Variants in RALY observed in about 807,000 individuals in gnomAD.
RALY encodes the protein RNA-binding protein Raly.
In RALY, 15 loss-of-function variants were observed where a neutral mutation model predicts 30.7. The observed-to-expected ratio is 0.49, with a 90% CI of 0.33 to 0.75. The LOEUF (loss-of-function observed/expected upper bound fraction) is 0.75, where lower values mean the gene tolerates loss of function less well. Among genes scored for constraint, RALY ranks in the 30% least tolerant of loss-of-function variants. The pLI is 0.02. For missense variants in RALY, 339 were observed against 414.3 expected, an observed-to-expected ratio of 0.82 and a Z score of 1.58; for synonymous variants, 177 against 170.8, an observed-to-expected ratio of 1.04 and a Z score of -0.28.
At chr20:34,014,140 G>C (rs2031518514) in intron 1 of RALY, among the ~76,000 whole-genome samples, 2 of 152,174 alleles carry the variant, frequency 1.3e-5, no homozygotes, top group East Asian at 3.8e-4. Flanking sequence ...CAGAACACAT[G>C]AGTAGCCCGT....
intron 1 of RALY, among the ~76,000 whole-genome samples, chr20:33,997,837 G>C (rs1157524305): frequency 6.6e-6 from 1 of 152,216 alleles, no homozygotes; most frequent in Non-Finnish European, 1.5e-5. Context: ...GGGAGAGGCA[G>C]TGTCTCAGAG....
chr20:33,997,266 C>T (rs1469552356), intron 1 of RALY, among the ~76,000 whole-genome samples: 49 of 152,140 alleles, frequency 3.2e-4, no homozygotes, highest in Admixed American at 3.1e-3. Context: ...AGGCATGCAC[C>T]ATCACGCCTG....
chr20:34,042,161 G>C (rs1263930595), intron 2 of RALY, among the ~76,000 whole-genome samples: 1 of 152,040 alleles, frequency 6.6e-6, no homozygotes, highest in Non-Finnish European at 1.5e-5. Flanking sequence ...GAGCTGCTTT[G>C]GCTGAAGCAG....
At chr20:34,075,274 G>A (rs2033842751) in intron 5 of RALY, among the ~76,000 whole-genome samples, 2 of 152,112 alleles carry the variant, frequency 1.3e-5, no homozygotes. Context: ...CTGAGGTCAT[G>A]GGTTCGTGAA....
At chr20:34,068,297 A>G (rs538870824) in intron 2 of RALY, among the ~76,000 whole-genome samples, 3 of 152,330 alleles carry the variant, frequency 2.0e-5, no homozygotes, top group Non-Finnish European at 4.4e-5. Flanking sequence ...ATGGATGTCA[A>G]TATTTTCTAG....
chr20:34,022,915 T>C (rs1427652218), intron 1 of RALY, among the ~76,000 whole-genome samples: 2 of 152,190 alleles, frequency 1.3e-5, no homozygotes, highest in East Asian at 3.9e-4. Context: ...ATCTAGAATA[T>C]TAGTATATGC....
At chr20:34,073,080 C>A (rs1034606678) in intron 3 of RALY, among the ~76,000 whole-genome samples, 2 of 152,052 alleles carry the variant, frequency 1.3e-5, no homozygotes, top group Non-Finnish European at 2.9e-5. Context: ...GGTAGAACAT[C>A]CATGTGAATG....
At chr20:34,042,526 T>C (rs528218699) in intron 2 of RALY, among the ~76,000 whole-genome samples, 1 of 152,316 alleles carries the variant, frequency 6.6e-6, no homozygotes, top group East Asian at 1.9e-4. Flanking sequence ...TCATGACATC[T>C]GGTTCCTGTG....
At chr20:34,052,294 A>G (rs2033104017) in intron 2 of RALY, among the ~76,000 whole-genome samples, 4 of 152,066 alleles carry the variant, frequency 2.6e-5, no homozygotes. Context: ...TTTTTGAGGA[A>G]CTCTCATTAA....
rs1211638092 is a variant in RALY at position 34,081,510 on chromosome 20, T to G, written c.*1605T>G. 2.6e-5 allele frequency: 4 copies of G among 152,210 alleles called. No individual in the cohort carries two copies. Among genetic ancestry groups the G allele is most frequent in the Non-Finnish European group, 5.9e-5 (4 of 68,038 alleles). The allele number at this position is 152,210 out of a possible 1,614,324, so 9.4% of individuals were successfully genotyped here. A position where few individuals can be genotyped will look rare whatever the true frequency, so the allele number is the denominator to read the frequency against. Reference sequence around the variant, plus strand: ...AGGGCTTTAGGTTTTCCCTCCATCTTTACGTGTTGATCAAAGTTTGCAGAT... The same window carrying G: ...AGGGCTTTAGGTTTTCCCTCCATCTGTACGTGTTGATCAAAGTTTGCAGAT... On this transcript the variant is annotated 3_prime_UTR_variant, in exon 10 of 10. Transcript: ENST00000246194.
Position 34,080,871 on chromosome 20 carries a change from A to G in RALY, c.*966A>G, listed in dbSNP as rs1269916520. On this transcript the variant is annotated 3_prime_UTR_variant, in exon 10 of 10. Transcript: ENST00000246194. ...ACATCTCAGTCTCACAAAACACACA[A>G]GTTCTTCACACTCCGGGCAGGTTTG... 1 of 152,188 alleles carries G rather than the reference A, an allele frequency of 6.6e-6. No individual in the cohort carries two copies. The highest frequency in any genetic ancestry group is 1.9e-4 in the East Asian group (1 of 5,196). The allele number at this position is 152,188 out of a possible 1,614,324, so 9.4% of individuals were successfully genotyped here.
intron 2 of RALY, chr20:34,065,183 G>A (rs2033534635): frequency 6.6e-6 from 1 of 152,174 alleles, no homozygotes; most frequent in African/African-American, 2.4e-5. Flanking sequence ...GATAGGAAGT[G>A]GGTAATAATA....
chr20:34,009,644 T>G (rs1200451861), intron 1 of RALY, among the ~76,000 whole-genome samples: 1 of 152,196 alleles, frequency 6.6e-6, no homozygotes, highest in Non-Finnish European at 1.5e-5. Context: ...GGCAACTCTT[T>G]GGAGCTTCGG....
chr20:34,027,448 G>T (rs1160359854), intron 1 of RALY, among the ~76,000 whole-genome samples: 6 of 152,216 alleles, frequency 3.9e-5, no homozygotes, highest in African/African-American at 1.2e-4. Flanking sequence ...CTGTCACCTT[G>T]CATCAAGGCC....
intron 1 of RALY, among the ~76,000 whole-genome samples, chr20:34,003,310 G>C (rs2122980989): frequency 6.6e-6 from 1 of 152,244 alleles, no homozygotes; most frequent in South Asian, 2.1e-4. Flanking sequence ...CAATGGTATT[G>C]TGAGGAGCAA....
At chr20:34,046,832 T>A (rs996222998) in intron 2 of RALY, among the ~76,000 whole-genome samples, 22 of 148,194 alleles carry the variant, frequency 1.5e-4, no homozygotes, top group African/African-American at 5.0e-4. Flanking sequence ...TTTTTTTTTT[T>A]TTTTGAGATG....
chr20:34,070,977 G>T (rs756575383), intron 2 of RALY, among the ~76,000 whole-genome samples: 1 of 152,144 alleles, frequency 6.6e-6, no homozygotes, highest in Non-Finnish European at 1.5e-5. Context: ...AAGTAGACAC[G>T]TCTTCATATG....
In RALY at chr20:34,077,312, G is replaced by T. The variant is rs924938721; in HGVS notation, c.876+67G>T. The T allele has an allele frequency of 3.8e-6, 6 of 1,595,954 alleles. No homozygotes were observed. In the African/African-American group the frequency reaches 5.4e-5, roughly 14 times the overall value. ...TCCTACTCTCAGGAGGCCAACAGGGGAATGGGCAGCCTGAGCTGGTTGCCC... is the reference window on the plus strand; with the variant it reads ...TCCTACTCTCAGGAGGCCAACAGGGTAATGGGCAGCCTGAGCTGGTTGCCC... On this transcript the variant is annotated intron_variant, in intron 8 of 9. Coordinates refer to ENST00000246194, the MANE Select transcript of RALY (RefSeq NM_016732.3).
chr20:34,035,908 A>C (rs1021417410), intron 2 of RALY, among the ~76,000 whole-genome samples: 1 of 152,158 alleles, frequency 6.6e-6, no homozygotes, highest in East Asian at 1.9e-4. Flanking sequence ...TGGAGTAGTG[A>C]GCTATGTGTA....
Sources: gnomAD v4.1 joint callset for allele counts (sites outside exome capture counted in the v4.1 genomes callset) on GRCh38, gnomAD v4.1.1 for gene constraint, MANE v1.5 for transcripts, NCBI Gene and HGNC (gene_info 2026-07-23, HGNC 2026-07-21) for gene names.